PPID: variants seen among roughly 807,000 people sequenced by gnomAD.
PPID encodes the protein peptidylprolyl isomerase D.
Under a neutral mutation model 48.1 loss-of-function variants are expected in PPID, and 47 were observed. That is an observed-to-expected ratio of 0.98 (90% CI 0.77 to 1.25). The LOEUF (loss-of-function observed/expected upper bound fraction) is 1.25, where lower values mean the gene tolerates loss of function less well. PPID is among the 50% of genes most tolerant of loss of function. The pLI is 0.00. For synonymous variants in PPID, 163 were observed against 148.8 expected (o/e 1.10, Z -0.69); for missense variants, 429 against 443.5 (o/e 0.97, Z 0.29).
intron 9 of PPID, chr4:158,710,403 C>T (rs1210379378): frequency 1.2e-5 from 7 of 592,232 alleles, no homozygotes; most frequent in East Asian, 5.7e-5. Flanking sequence ...GAATAAATAA[C>T]GTGAAAAACT....
At chr4:158,710,904 A>C in intron 7 of PPID, 56 bp from the exon 8 acceptor site, 1 of 1,425,226 alleles carries the variant, frequency 7.0e-7, no homozygotes, top group Non-Finnish European at 9.8e-7. Context: ...TATATGCCAG[A>C]TTTCAATTCA....
chr4:158,715,437 G>GT (rs1774855609), intron 5 of PPID, 34 bp from the exon 6 acceptor site: 2 of 1,485,046 alleles, frequency 1.3e-6, no homozygotes, highest in Non-Finnish European at 9.0e-7. Flanking sequence ...TTGGATTTTA[G>GT]TAAGTAATGT....
At chr4:158,723,107 G>T (rs2126343639) in intron 1 of PPID, 97 bp downstream of exon 1, 2 of 1,264,070 alleles carry the variant, frequency 1.6e-6, no homozygotes, top group Non-Finnish European at 2.2e-6. Context: ...AAACTGAGCA[G>T]TCACCGGCCG....
rs1229416573 is a variant in PPID at position 158,723,284 on chromosome 4, G to A, written c.5C>T (p.Ser2Leu). The A allele has an allele frequency of 6.2e-7, 1 of 1,613,682 alleles. No homozygotes were observed. The highest frequency in any genetic ancestry group is 8.5e-7 in the Non-Finnish European group (1 of 1,179,806). The change falls in exon 1 of 10, where the codon TCG (serine) becomes TTG (leucine). Residue 2 changes from serine (S) to leucine (L), a missense_variant. Ser to Leu is a moderately radical substitution (Grantham distance 145, BLOSUM62 -2). Coordinates refer to ENST00000307720, the MANE Select transcript of PPID (RefSeq NM_005038.3). M[S>L]HPSPQAKPSN... is the part of the protein sequence containing the mutation. ...GGGCTTGGCTTGGGGGGACGGGTGC[G>A]ACATCTTGACTTGCAGACGTGTTTA...
chr4:158,718,335 A>G (rs762604345), intron 3 of PPID, among the ~76,000 whole-genome samples: 2 of 152,168 alleles, frequency 1.3e-5, no homozygotes, highest in Non-Finnish European at 2.9e-5. Flanking sequence ...TTCCTCCTCA[A>G]TGACTTCCAT....
intron 9 of PPID, chr4:158,710,187 C>T (rs1030179623): frequency 3.0e-6 from 1 of 329,252 alleles, no homozygotes; most frequent in Admixed American, 4.7e-5. Flanking sequence ...GTCATAGTTT[C>T]CTAAAACATA....
rs200096118 is a variant in PPID, at chr4:158,710,650, C to T, written c.1002G>A (p.Gln334=). ...TACCTTTATCTTCTGGTGCTATCCC[C>T]TGAGCTTTCTTAAGATCAGCCTTTA... The part of the protein sequence containing the change: ...DQALADLKKA[Q]GIAPEDKAIQ... Residue 334 remains glutamine, a synonymous_variant, in exon 9 of 10, where the codon CAG becomes CAA. Transcript: ENST00000307720. The T allele has an allele frequency of 1.9e-6, 3 of 1,613,924 alleles. No homozygotes were observed. Among genetic ancestry groups the T allele is most frequent in the Non-Finnish European group, 2.5e-6 (3 of 1,179,896 alleles).
At chr4:158,710,740 A>G in intron 8 of PPID, 22 bp downstream of exon 8, 1 of 1,611,188 alleles carries the variant, frequency 6.2e-7, no homozygotes, top group Non-Finnish European at 8.5e-7. Flanking sequence ...TTAAAAAATT[A>G]AACATTTGGA....
chr4:158,723,259 G>A lies in PPID; in HGVS notation c.30C>T (p.Pro10=), dbSNP rs1216928296. Reference sequence around the variant, plus strand: ...AGACTCGAGGGTTACTGGGGTTGGAGGGCTTGGCTTGGGGGGACGGGTGCG... The same window carrying A: ...AGACTCGAGGGTTACTGGGGTTGGAAGGCTTGGCTTGGGGGGACGGGTGCG... The part of the protein sequence containing the change: MSHPSPQAK[P]SNPSNPRVFF... The change falls in exon 1 of 10, where the codon CCC becomes CCT. Residue 10 remains proline (P), a synonymous_variant. Coordinates refer to ENST00000307720, the MANE Select transcript of PPID (RefSeq NM_005038.3). The A allele has an allele frequency of 6.2e-7, 1 of 1,613,932 alleles. No homozygotes were observed. The highest frequency in any genetic ancestry group is 8.5e-7 in the Non-Finnish European group (1 of 1,180,010).
chr4:158,720,570 T>C (rs1279851984), intron 2 of PPID, among the ~76,000 whole-genome samples: 1 of 152,198 alleles, frequency 6.6e-6, no homozygotes, highest in Non-Finnish European at 1.5e-5. Flanking sequence ...AACAAAAGTA[T>C]GATTCATTAC....
Position 158,721,342 on chromosome 4 carries a change from C to G in PPID, c.226+1G>C. ...ACAAGATTAAGAAAATTTACACATA[C>G]TTCGATGAAAAGGGCATCCTTTGAA... On this transcript the variant is annotated splice_donor_variant, in intron 2 of 9. Transcript: ENST00000307720. LOFTEE classifies it high-confidence loss of function. The G allele has an allele frequency of 6.2e-7, 1 of 1,613,872 alleles. No homozygotes were observed. The highest frequency in any genetic ancestry group is 2.2e-5 in the East Asian group (1 of 44,880).
intron 7 of PPID, among the ~76,000 whole-genome samples, chr4:158,712,273 T>C (rs1326491962): frequency 1.3e-5 from 2 of 152,194 alleles, no homozygotes; most frequent in Non-Finnish European, 2.9e-5. Flanking sequence ...TAAAGATAAA[T>C]GACCTGTTCC....
At chr4:158,716,671 A>T (rs1267705016) in intron 4 of PPID, among the ~76,000 whole-genome samples, 1 of 152,086 alleles carries the variant, frequency 6.6e-6, no homozygotes, top group Non-Finnish European at 1.5e-5. Flanking sequence ...TAAGATAGCA[A>T]CTAACAGGCT....
intron 2 of PPID, 38 bp from the exon 3 acceptor site, chr4:158,719,324 T>C (rs1203525358): frequency 7.5e-7 from 1 of 1,342,058 alleles, no homozygotes; most frequent in South Asian, 1.2e-5. Context: ...GACTGAGACA[T>C]GGATGCCTTT....
chr4:158,717,157 T>C lies in PPID; in HGVS notation c.377A>G (p.Asn126Ser). 2 of 1,614,154 alleles carry C rather than the reference T, an allele frequency of 1.2e-6. No individual in the cohort carries two copies. Among genetic ancestry groups the C allele is most frequent in the African/African-American group, 1.3e-5 (1 of 75,048 alleles). Residue 126 changes from asparagine to serine, a missense_variant, in exon 4 of 10, where the codon AAC (asparagine) becomes AGC (serine). Coordinates refer to ENST00000307720, the MANE Select transcript of PPID (RefSeq NM_005038.3). ...GATAAAAAACTGAGAACCGTTTGTG[T>C]TGCGGCCTGCATTTGCCATGCTCAG... The part of the protein sequence containing the change: ...GLLSMANAGR[N>S]TNGSQFFITT...
At chr4:158,713,494 T>G (rs1774822496) in intron 6 of PPID, among the ~76,000 whole-genome samples, 1 of 152,226 alleles carries the variant, frequency 6.6e-6, no homozygotes. Context: ...AATTATGCAC[T>G]AGTAACACTT....
chr4:158,723,390 G>A lies in PPID; in HGVS notation c.-102C>T, dbSNP rs769556401. ...GTCTCCGCCGGAGACCGGCAGCGAC[G>A]CTGACCGGCCACTTCCGACGCAAGA... On this transcript the variant is annotated 5_prime_UTR_variant, in exon 1 of 10. Transcript: ENST00000307720. 5.1e-4 allele frequency: 601 copies of A among 1,170,074 alleles called. No individual in the cohort carries two copies. The highest frequency in any genetic ancestry group is 7.0e-4 in the Non-Finnish European group (564 of 809,500). 72.5% of individuals were successfully genotyped at this position (1,170,074 alleles called of 1,614,324 possible).
intron 1 of PPID, among the ~76,000 whole-genome samples, chr4:158,722,147 A>C (rs981568181): frequency 1.3e-5 from 2 of 152,254 alleles, no homozygotes; most frequent in Admixed American, 1.3e-4. Context: ...GTATATAAAC[A>C]GATTTGAAAC....
intron 3 of PPID, 39 bp downstream of exon 3, chr4:158,719,141 T>C: frequency 7.4e-7 from 1 of 1,350,064 alleles, no homozygotes; most frequent in Non-Finnish European, 1.1e-6. Flanking sequence ...TATATAACAA[T>C]CTTTTTATCA....
Sources: gnomAD v4.1 joint callset for allele counts (sites outside exome capture counted in the v4.1 genomes callset) on GRCh38, gnomAD v4.1.1 for gene constraint, MANE v1.5 for transcripts, NCBI Gene and HGNC (gene_info 2026-07-23, HGNC 2026-07-21) for gene names.